Variants in MBOAT4 observed in about 807,000 individuals in gnomAD.
The protein encoded by MBOAT4 is membrane bound ghrelin O-acyltransferase MBOAT4.
In MBOAT4, 11 loss-of-function variants were observed where a neutral mutation model predicts 13.2. That is an observed-to-expected ratio of 0.84 (90% CI 0.53 to 1.38). The LOEUF is 1.38. Among genes scored for constraint, MBOAT4 ranks in the 40% most tolerant of loss-of-function variants. The pLI is 0.00. For synonymous variants in MBOAT4, 202 were observed against 210.3 expected, an observed-to-expected ratio of 0.96 and a Z score of 0.34; for missense variants, 481 against 527.2, an observed-to-expected ratio of 0.91 and a Z score of 0.86.
At chr8:30,138,172 T>C (rs1213321721) in intron 2 of MBOAT4, 1 of 179,792 alleles carries the variant, frequency 5.6e-6, no homozygotes, top group African/African-American at 2.3e-5. Context: ...GGGAAACTGA[T>C]TATGATTACC....
chr8:30,135,960 G>A (rs996239842), intron 2 of MBOAT4, among the ~76,000 whole-genome samples: 8 of 149,860 alleles, frequency 5.3e-5, no homozygotes, highest in Non-Finnish European at 1.2e-4. Flanking sequence ...ACACTCTACA[G>A]TCAGAAATGC....
chr8:30,131,817 A>T lies in MBOAT4; in HGVS notation c.*126T>A. On this transcript the variant is annotated 3_prime_UTR_variant, in exon 3 of 3. Transcript: ENST00000320542. ...AAATTCCTACTGCAAGTCACTGGGT[A>T]TATCCATCCAAAACTTTAGAAAAAA... 1 of 1,100,714 alleles carries T rather than the reference A, an allele frequency of 9.1e-7. No individual in the cohort carries two copies. The highest frequency in any genetic ancestry group is 1.3e-6 in the Non-Finnish European group (1 of 790,406). The allele number at this position is 1,100,714 out of a possible 1,614,324, so 68.2% of individuals were successfully genotyped here. A position where few individuals can be genotyped will look rare whatever the true frequency, so the allele number is the denominator to read the frequency against.
intron 1 of MBOAT4, among the ~76,000 whole-genome samples, chr8:30,139,838 T>C (rs1468075697): frequency 6.6e-6 from 1 of 152,084 alleles, no homozygotes; most frequent in Non-Finnish European, 1.5e-5. Context: ...GGCACACCTG[T>C]AGTCCTAGCT....
intron 1 of MBOAT4, among the ~76,000 whole-genome samples, chr8:30,141,293 GT>G (rs1053529103): frequency 6.6e-6 from 1 of 152,116 alleles, no homozygotes; most frequent in South Asian, 2.1e-4. Flanking sequence ...ATGGAGGCTT[GT>G]TTTTTAATTG....
intron 2 of MBOAT4, among the ~76,000 whole-genome samples, chr8:30,133,402 G>A (rs1263392764): frequency 2.0e-5 from 3 of 152,290 alleles, no homozygotes; most frequent in East Asian, 3.9e-4. Context: ...GTATGAATAT[G>A]TGTGTATATT....
chr8:30,132,424 C>T lies in MBOAT4; in HGVS notation c.827G>A (p.Gly276Asp), dbSNP rs1387820433. The T allele has an allele frequency of 3.2e-6, 5 of 1,551,638 alleles. No individual in the cohort carries two copies. In the African/African-American group the frequency reaches 6.8e-5, roughly 21 times the overall value. ...ATATCCCTCCTCTCCAGGGCTCTGA[C>T]CAAGCTCAGGCCCAAAGCCCGCTGC... Reference protein sequence around the residue: ...LHAAGFGPELGQSPGEEGYVP... With the variant: ...LHAAGFGPELDQSPGEEGYVP... The change falls in exon 3 of 3, where the codon GGT becomes GAT. Residue 276 changes from glycine to aspartate, a missense_variant. Gly to Asp is a moderately conservative substitution (Grantham distance 94). Coordinates refer to ENST00000320542, the MANE Select transcript of MBOAT4 (RefSeq NM_001100916.2).
chr8:30,137,489 C>G (rs1463767950), intron 2 of MBOAT4: 2 of 1,551,392 alleles, frequency 1.3e-6, no homozygotes, highest in African/African-American at 1.4e-5. Context: ...TGCCCTCCCT[C>G]TCAGGCACAA....
At chr8:30,136,336 G>A (rs957778739) in intron 2 of MBOAT4, among the ~76,000 whole-genome samples, 10 of 152,186 alleles carry the variant, frequency 6.6e-5, no homozygotes, top group African/African-American at 2.4e-4. Flanking sequence ...TGACCATCAC[G>A]CGGACATACA....
At chr8:30,134,124 T>TA (rs1803088085) in intron 2 of MBOAT4, among the ~76,000 whole-genome samples, 1 of 152,164 alleles carries the variant, frequency 6.6e-6, no homozygotes, top group South Asian at 2.1e-4. Flanking sequence ...ATTTTTCTCT[T>TA]AAAAAACTTT....
In MBOAT4 at chr8:30,141,170, C is replaced by T. The variant is rs74750507; in HGVS notation, c.120-2414G>A. Among the ~76,000 whole-genome samples, 200 of 152,114 alleles carry T rather than the reference C, an allele frequency of 1.3e-3. 1 individual carries two copies. The highest frequency in any genetic ancestry group is 4.6e-3 in the African/African-American group (189 of 41,490). On this transcript the variant is annotated intron_variant, in intron 1 of 2. Coordinates refer to ENST00000320542, the MANE Select transcript of MBOAT4 (RefSeq NM_001100916.2). The stretch of plus-strand genomic sequence containing the variant: ...TTTTTTTAATGTTGTAAAATACCCA[C>T]ATTGATGAAATGGTTTGTGAATCAT...
Position 30,144,463 on chromosome 8 carries a change from A to G in MBOAT4, c.119+20T>C. On this transcript the variant is annotated intron_variant, in intron 1 of 2. Transcript: ENST00000320542. Reference sequence around the variant, plus strand: ...TATAGTATTTCTGGATGTAAGAGTAAAAATAGCCATCCAGCCTACCTGGCA... The same window carrying G: ...TATAGTATTTCTGGATGTAAGAGTAGAAATAGCCATCCAGCCTACCTGGCA... 6.7e-7 allele frequency: 1 copy of G among 1,501,440 alleles called. No individual in the cohort carries two copies. Among genetic ancestry groups the G allele is most frequent in the Non-Finnish European group, 9.1e-7 (1 of 1,102,238 alleles). 93.0% of individuals were successfully genotyped at this position (1,501,440 alleles called of 1,614,324 possible).
intron 1 of MBOAT4, among the ~76,000 whole-genome samples, chr8:30,143,126 C>T (rs1003822617): frequency 5.3e-5 from 8 of 152,152 alleles, no homozygotes; most frequent in Admixed American, 1.3e-4. Context: ...AATATACCCA[C>T]GTAACAAACC....
chr8:30,141,377 G>A (rs1340269823), intron 1 of MBOAT4, among the ~76,000 whole-genome samples: 2 of 152,142 alleles, frequency 1.3e-5, no homozygotes, highest in East Asian at 1.9e-4. Context: ...GCTCATGCTT[G>A]TAATCCCAGC....
In MBOAT4 at chr8:30,132,188, C is replaced by G; in HGVS notation, c.1063G>C (p.Val355Leu). 6.4e-7 allele frequency: 1 copy of G among 1,551,902 alleles called. No individual in the cohort carries two copies. The highest frequency in any genetic ancestry group is 1.2e-5 in the South Asian group (1 of 84,066). The stretch of plus-strand genomic sequence containing the variant: ...GAGTGAATCAGGTAGTCAGCTTCCA[C>G]CATCACGGCCCAGCAAACGAAACCA... ...VFGFVCWAVM[V>L]EADYLIHSFA... Residue 355 changes from valine to leucine, a missense_variant, in exon 3 of 3, where the codon GTG becomes CTG. Val to Leu is a conservative substitution (Grantham distance 32). Transcript: ENST00000320542.
At chr8:30,136,742 T>G (rs909329482) in intron 2 of MBOAT4, among the ~76,000 whole-genome samples, 7 of 151,998 alleles carry the variant, frequency 4.6e-5, no homozygotes, top group Middle Eastern at 3.4e-3. Context: ...TTTTTTTTTT[T>G]TTTTGAGACA....
At chr8:30,138,485 A>T (rs1803194843) in intron 2 of MBOAT4, 47 bp downstream of exon 2, 2 of 1,473,850 alleles carry the variant, frequency 1.4e-6, no homozygotes, top group East Asian at 5.0e-5. Flanking sequence ...CCGTGGTGCA[A>T]GCAAACTGTA....
At position 30,132,474 on chromosome 8, in the gene MBOAT4, C is replaced by G. The variant is rs1180573105; in HGVS notation, c.777G>C (p.Trp259Cys). Residue 259 changes from tryptophan to cysteine, a missense_variant, in exon 3 of 3, where the codon TGG becomes TGC. Transcript: ENST00000320542. ...GLFKLTYYSH[W>C]ILDDSLLHAA... Reference sequence around the variant, plus strand: ...CGTGGAGGAGGGAGTCGTCCAGGATCCAGTGGGAGTAGTAGGTGAGCTTGA... The same window carrying G: ...CGTGGAGGAGGGAGTCGTCCAGGATGCAGTGGGAGTAGTAGGTGAGCTTGA... The G allele has an allele frequency of 6.4e-7, 1 of 1,551,720 alleles. No homozygotes were observed. Among genetic ancestry groups the G allele is most frequent in the Non-Finnish European group, 8.7e-7 (1 of 1,147,000 alleles).
At position 30,144,493 on chromosome 8, in the gene MBOAT4, T is replaced by A. The variant is rs755446944; in HGVS notation, c.109A>T (p.Thr37Ser). Reference protein sequence around the residue: ...NYLCIMDSFSTRARYLFLLTG... With the variant: ...NYLCIMDSFSSRARYLFLLTG... Reference sequence around the variant, plus strand: ...AGCCATCCAGCCTACCTGGCACGAGTGGAGAATGAATCCATGATGCAGAGA... The same window carrying A: ...AGCCATCCAGCCTACCTGGCACGAGAGGAGAATGAATCCATGATGCAGAGA... The change falls in exon 1 of 3, where the codon ACT becomes TCT. Residue 37 changes from threonine to serine, a missense_variant. Thr to Ser is a moderately conservative substitution (Grantham distance 58). Coordinates refer to ENST00000320542, the MANE Select transcript of MBOAT4 (RefSeq NM_001100916.2). 1.0e-5 allele frequency: 16 copies of A among 1,548,442 alleles called. No homozygotes were observed. Among genetic ancestry groups the A allele is most frequent in the Non-Finnish European group, 1.3e-5 (15 of 1,144,592 alleles).
chr8:30,133,665 G>A (rs1034898229), intron 2 of MBOAT4, among the ~76,000 whole-genome samples: 1 of 151,874 alleles, frequency 6.6e-6, no homozygotes, highest in African/African-American at 2.4e-5. Context: ...GCTGGGTGCA[G>A]TGGGTCCCAT....
Sources: allele counts gnomAD v4.1 joint callset (sites outside exome capture counted in the v4.1 genomes callset), GRCh38; gene constraint gnomAD v4.1.1; transcripts MANE v1.5; gene names NCBI Gene and HGNC (gene_info 2026-07-23, HGNC 2026-07-21).